The following WBP4 variants were observed in gnomAD, a reference collection of about 807,000 sequenced individuals.
WBP4 encodes WW domain binding protein 4, also known as WW domain-binding protein 4.
Under a neutral mutation model 55.4 loss-of-function variants are expected in WBP4, and 37 were observed. That is an observed-to-expected ratio of 0.67 (90% CI 0.51 to 0.88). The LOEUF (loss-of-function observed/expected upper bound fraction) is 0.88. Ranked by LOEUF, WBP4 falls within the 40% of genes least tolerant of loss-of-function variation. WBP4 has a pLI of 0.00. For synonymous variants in WBP4, 142 were observed against 140.2 expected (o/e 1.01, Z -0.09); for missense variants, 398 against 420.8 (o/e 0.95, Z 0.47).
At position 41,072,834 on chromosome 13, in the gene WBP4, A is replaced by G. The variant is rs779653819; in HGVS notation, c.539A>G (p.Tyr180Cys). Residue 180 changes from tyrosine to cysteine, a missense_variant, in exon 7 of 10, where the codon TAT becomes TGT. By Grantham distance (194) the Tyr-to-Cys change is radical. Coordinates refer to ENST00000379487, the MANE Select transcript of WBP4 (RefSeq NM_007187.5). The stretch of plus-strand genomic sequence containing the variant: ...GGTTTAAGTGAAGATGGTTTTACCT[A>G]TTACTATAATACAGAAACAGGAGGT... Reference protein sequence around the residue: ...VEGLSEDGFTYYYNTETGESR... With the variant: ...VEGLSEDGFTCYYNTETGESR... The G allele has an allele frequency of 8.1e-6, 13 of 1,613,546 alleles. No homozygotes were observed. Among genetic ancestry groups the G allele is most frequent in the Admixed American group, 5.0e-5 (3 of 59,956 alleles).
chr13:41,078,137 C>T (rs1332026959), intron 8 of WBP4, among the ~76,000 whole-genome samples: 2 of 152,132 alleles, frequency 1.3e-5, no homozygotes, highest in Admixed American at 6.5e-5. Context: ...ATTAGAAAAG[C>T]CAATTCTGAA....
chr13:41,076,542 A>G (rs1045395156), intron 8 of WBP4, among the ~76,000 whole-genome samples: 2 of 152,062 alleles, frequency 1.3e-5, no homozygotes, highest in East Asian at 3.8e-4. Context: ...CGGCGTCCCA[A>G]AGTGCTGGGA....
chr13:41,067,964 G>A (rs925097551), intron 4 of WBP4, among the ~76,000 whole-genome samples: 1 of 151,998 alleles, frequency 6.6e-6, no homozygotes, highest in Non-Finnish European at 1.5e-5. Flanking sequence ...GCAGGTAGTG[G>A]GGAACAGCTT....
intron 8 of WBP4, among the ~76,000 whole-genome samples, chr13:41,077,521 A>G (rs1878555363): frequency 6.6e-6 from 1 of 152,160 alleles, no homozygotes; most frequent in Non-Finnish European, 1.5e-5. Flanking sequence ...TGTATGAGAA[A>G]CACACAGCCA....
At chr13:41,076,754 A>C (rs1386290113) in intron 8 of WBP4, among the ~76,000 whole-genome samples, 1 of 152,192 alleles carries the variant, frequency 6.6e-6, no homozygotes, top group Non-Finnish European at 1.5e-5. Flanking sequence ...TGGCCTGAGA[A>C]ATGTAGGAAA....
intron 4 of WBP4, 124 bp from the exon 5 acceptor site, chr13:41,068,437 A>T: frequency 1.2e-6 from 1 of 854,468 alleles, no homozygotes; most frequent in Non-Finnish European, 1.6e-6. Context: ...ACTTTATAAT[A>T]ATGTGTTAAG....
chr13:41,066,084 G>A (rs1657963083), intron 4 of WBP4, among the ~76,000 whole-genome samples: 1 of 152,148 alleles, frequency 6.6e-6, no homozygotes, highest in South Asian at 2.1e-4. Context: ...CTGGACATTG[G>A]TAATTAAAAG....
chr13:41,071,559 G>A lies in WBP4; in HGVS notation c.472G>A (p.Gly158Arg). ...GTGGGAGAAACCTGAAGGATTTCAA[G>A]GAGACTTAAAAAAGGTAATTGAAGC... The part of the protein sequence containing the change: ...SQWEKPEGFQ[G>R]DLKKTAVKTV... Residue 158 changes from glycine to arginine, a missense_variant, in exon 6 of 10, where the codon GGA becomes AGA. Coordinates refer to ENST00000379487, the MANE Select transcript of WBP4 (RefSeq NM_007187.5). 1.2e-6 allele frequency: 2 copies of A among 1,609,392 alleles called. No homozygotes were observed.
chr13:41,072,515 G>T (rs984450842), intron 6 of WBP4, among the ~76,000 whole-genome samples: 4 of 152,144 alleles, frequency 2.6e-5, no homozygotes, highest in Non-Finnish European at 1.5e-5. Flanking sequence ...CAGATCTCAG[G>T]GTAGCTTGCT....
rs1451944064 is a variant in WBP4, at chr13:41,065,056, A to G, written c.116A>G (p.Asn39Ser). The change falls in exon 3 of 10, where the codon AAT becomes AGT. Residue 39 changes from asparagine (N) to serine (S), a missense_variant. Coordinates refer to ENST00000379487, the MANE Select transcript of WBP4 (RefSeq NM_007187.5). Reference sequence around the variant, plus strand: ...GAAAGAGGAAAGAATCATAAGGAAAATGTGGCAAAAAGGATCAGTGAGGTA... The same window carrying G: ...GAAAGAGGAAAGAATCATAAGGAAAGTGTGGCAAAAAGGATCAGTGAGGTA... ...FHERGKNHKENVAKRISEIKQ... is the reference protein window; with the variant it reads ...FHERGKNHKESVAKRISEIKQ... 1.7e-5 allele frequency: 27 copies of G among 1,595,626 alleles called. No homozygotes were observed. The highest frequency in any genetic ancestry group is 2.2e-5 in the Non-Finnish European group (26 of 1,175,452).
Position 41,080,689 on chromosome 13 carries a change from A to C in WBP4, c.800A>C (p.Gln267Pro). ...NSDGGSDPET[Q>P]KEKSIQKQNS... ...GATGGAGGAAGTGACCCAGAAACAC[A>C]GAAAGAAAAAAGTATTCAGAAACAG... Residue 267 changes from glutamine (Q) to proline (P), a missense_variant, in exon 9 of 10, where the codon CAG becomes CCG. Transcript: ENST00000379487. The C allele has an allele frequency of 6.3e-7, 1 of 1,599,938 alleles. No individual in the cohort carries two copies.
At chr13:41,079,001 C>CA (rs1353709590) in intron 8 of WBP4, among the ~76,000 whole-genome samples, 1 of 151,898 alleles carries the variant, frequency 6.6e-6, no homozygotes, top group East Asian at 1.9e-4. Context: ...GCAAAAGAAA[C>CA]AATTAACAGG....
chr13:41,075,292 C>T (rs866386138), intron 7 of WBP4, among the ~76,000 whole-genome samples: 1 of 152,114 alleles, frequency 6.6e-6, no homozygotes, highest in Non-Finnish European at 1.5e-5. Flanking sequence ...TGCTGCCCCC[C>T]CACCCACCAA....
chr13:41,079,019 A>C (rs569296147), intron 8 of WBP4, among the ~76,000 whole-genome samples: 3 of 152,306 alleles, frequency 2.0e-5, no homozygotes, highest in African/African-American at 7.2e-5. Flanking sequence ...AGGGTAAATA[A>C]ACAGCCCACA....
chr13:41,074,245 T>A (rs1298809949), intron 7 of WBP4, among the ~76,000 whole-genome samples: 1 of 152,214 alleles, frequency 6.6e-6, no homozygotes, highest in Non-Finnish European at 1.5e-5. Flanking sequence ...AACTTTCAAA[T>A]TAATGTTTCA....
intron 8 of WBP4, among the ~76,000 whole-genome samples, chr13:41,079,698 A>C (rs535908932): frequency 2.6e-5 from 4 of 152,212 alleles, no homozygotes; most frequent in Non-Finnish European, 5.9e-5. Context: ...TCAATCCAGC[A>C]GTCCCACTTC....
Position 41,061,546 on chromosome 13 carries a change from A to T in WBP4, c.-128A>T. ...AGCGGAACGCTGGTCCCGGGGACTG[A>T]GTAAGGTGTCTGGATCGGAGGGAGG... is the stretch of plus-strand genomic sequence containing the variant. On this transcript the variant is annotated 5_prime_UTR_variant, in exon 1 of 10. Transcript: ENST00000379487. 1 of 1,445,498 alleles carries T rather than the reference A, an allele frequency of 6.9e-7. No homozygotes were observed. The highest frequency in any genetic ancestry group is 9.6e-7 in the Non-Finnish European group (1 of 1,040,666). 89.5% of individuals were successfully genotyped at this position (1,445,498 alleles called of 1,614,324 possible). A position where few individuals can be genotyped will look rare whatever the true frequency, so the allele number is the denominator to read the frequency against.
intron 8 of WBP4, among the ~76,000 whole-genome samples, chr13:41,078,061 A>G (rs991174331): frequency 6.6e-6 from 1 of 152,222 alleles, no homozygotes; most frequent in Non-Finnish European, 1.5e-5. Context: ...AAAATGACAT[A>G]CTGGCCACAC....
intron 1 of WBP4, chr13:41,061,964 C>A: frequency 1.1e-6 from 1 of 901,584 alleles, no homozygotes; most frequent in Non-Finnish European, 1.3e-6. Flanking sequence ...AGTGCTCTCT[C>A]TACGACGCTG....
Sources: gnomAD v4.1 joint callset for allele counts (sites outside exome capture counted in the v4.1 genomes callset) on GRCh38, gnomAD v4.1.1 for gene constraint, MANE v1.5 for transcripts, NCBI Gene and HGNC (gene_info 2026-07-23, HGNC 2026-07-21) for gene names.